NAALADL2: variants seen among roughly 807,000 people sequenced by gnomAD.
NAALADL2 encodes N-acetylated alpha-linked acidic dipeptidase like 2.
In NAALADL2, 76 loss-of-function variants were observed where a neutral mutation model predicts 87.2. The observed-to-expected ratio is 0.87, with a 90% confidence interval of 0.72 to 1.05. NAALADL2 has a LOEUF of 1.05. NAALADL2 is among the 50% of genes least tolerant of loss of function. The probability of loss-of-function intolerance (pLI) is 0.00; values close to 1 mark genes in which losing one functional copy is unlikely to be tolerated. For missense variants in NAALADL2, 1,089 were observed against 945.8 expected, an observed-to-expected ratio of 1.15 and a Z score of -1.99; for synonymous variants, 354 against 331.0, an observed-to-expected ratio of 1.07 and a Z score of -0.75.
chr3:174,703,915 T>G (rs756491134), intron 2 of NAALADL2, among the ~76,000 whole-genome samples: 4 of 152,250 alleles, frequency 2.6e-5, no homozygotes, highest in Non-Finnish European at 5.9e-5. Context: ...GTAGGAAAAT[T>G]TTTTCAGTCT....
chr3:175,660,378 G>A (rs117340885), intron 11 of NAALADL2, among the ~76,000 whole-genome samples: 51 of 151,724 alleles, frequency 3.4e-4, no homozygotes, highest in Non-Finnish European at 4.7e-4. Flanking sequence ...CCCTTTTTTC[G>A]TTGATATGTC....
At chr3:175,194,235 G>A (rs1738651233) in intron 2 of NAALADL2, among the ~76,000 whole-genome samples, 1 of 151,790 alleles carries the variant, frequency 6.6e-6, no homozygotes, top group South Asian at 2.1e-4. Flanking sequence ...AAGTTAACAG[G>A]TTGAATGAAA....
At chr3:174,702,211 A>G (rs1223018347) in intron 2 of NAALADL2, among the ~76,000 whole-genome samples, 1 of 152,124 alleles carries the variant, frequency 6.6e-6, no homozygotes, top group African/African-American at 2.4e-5. Flanking sequence ...TGTTATCCAT[A>G]TATCTTCTAT....
chr3:174,995,011 T>G (rs1343996008), intron 1 of NAALADL2, among the ~76,000 whole-genome samples: 1 of 152,126 alleles, frequency 6.6e-6, no homozygotes, highest in Admixed American at 6.5e-5. Context: ...ATTCTTTGCC[T>G]ATTAGTGCTT....
chr3:175,766,951 A>G (rs1377777881), intron 13 of NAALADL2, among the ~76,000 whole-genome samples: 1 of 152,168 alleles, frequency 6.6e-6, no homozygotes, highest in Non-Finnish European at 1.5e-5. Context: ...ATTGAGATGA[A>G]ACACAAGGAA....
rs560743985 is a variant in NAALADL2 at position 174,524,416 on chromosome 3, AG to A, written c.-183-26151del. Among the ~76,000 whole-genome samples the A allele has an allele frequency of 4.6e-5, 7 of 152,320 alleles. No homozygotes were observed. In the South Asian group the frequency reaches 1.2e-3, roughly 27 times the overall value. On this transcript the variant is annotated intron_variant, in intron 1 of 3. Coordinates refer to the NAALADL2 transcript ENST00000434257. ...TCCTGTAAGGCTTGCCCAGGCTTGA[AG>A]GTATCTTCACAATATACTGTAGCCA... is the stretch of plus-strand genomic sequence containing the variant.
rs370972196 is a variant in NAALADL2 at position 175,285,131 on chromosome 3, A to C, written c.939+28601A>C. On this transcript the variant is annotated intron_variant, in intron 4 of 13. Transcript: ENST00000454872. ...AGATTTTTTATTCTTAATTTTTTAT[A>C]GAAAATAAGAAAAAGTGCATTAGCA... 6.2e-4 allele frequency among the ~76,000 whole-genome samples: 94 copies of C among 152,272 alleles called. No individual in the cohort carries two copies. In the East Asian group the frequency reaches 7.1e-3, roughly 12 times the overall value.
chr3:175,595,464 A>T (rs374840420), intron 10 of NAALADL2, among the ~76,000 whole-genome samples: 8 of 152,108 alleles, frequency 5.3e-5, no homozygotes, highest in African/African-American at 1.9e-4. Flanking sequence ...GCTGATGATG[A>T]TTTGATACTT....
chr3:174,993,143 A>C (rs1314249931), intron 1 of NAALADL2, among the ~76,000 whole-genome samples: 2 of 152,108 alleles, frequency 1.3e-5, no homozygotes. Flanking sequence ...ATTTTGGAAA[A>C]TATGAATGCT....
At chr3:175,236,420 G>C (rs995884233) in intron 3 of NAALADL2, among the ~76,000 whole-genome samples, 8 of 151,682 alleles carry the variant, frequency 5.3e-5, no homozygotes, top group African/African-American at 1.9e-4. Flanking sequence ...CCGGTGGCAG[G>C]CTCCTGTAAT....
chr3:175,764,607 C>A (rs1449107421), intron 13 of NAALADL2, among the ~76,000 whole-genome samples: 1 of 142,512 alleles, frequency 7.0e-6, no homozygotes, highest in Non-Finnish European at 1.5e-5. Flanking sequence ...GATGCTTCTG[C>A]CTTTAACCAA....
chr3:175,177,033 T>G (rs1735790451), intron 2 of NAALADL2, among the ~76,000 whole-genome samples: 1 of 152,088 alleles, frequency 6.6e-6, no homozygotes, highest in African/African-American at 2.4e-5. Flanking sequence ...AGGCAAAGTT[T>G]AATTATAAAG....
chr3:175,768,437 G>T (rs957824002), intron 13 of NAALADL2, among the ~76,000 whole-genome samples: 7 of 152,116 alleles, frequency 4.6e-5, no homozygotes, highest in Non-Finnish European at 1.0e-4. Flanking sequence ...CTGAAGTTCA[G>T]AAACATTAGT....
intron 3 of NAALADL2, among the ~76,000 whole-genome samples, chr3:174,771,300 A>T (rs2109108727): frequency 6.6e-6 from 1 of 152,296 alleles, no homozygotes; most frequent in Admixed American, 6.5e-5. Flanking sequence ...CCTCCACTGT[A>T]TCTGAGGAGT....
intron 5 of NAALADL2, among the ~76,000 whole-genome samples, chr3:175,400,325 C>T (rs1770404525): frequency 6.6e-6 from 1 of 152,098 alleles, no homozygotes; most frequent in Non-Finnish European, 1.5e-5. Context: ...TTCATCGGTA[C>T]TGGCCTTGTG....
chr3:175,787,397 C>T (rs1007130410), intron 13 of NAALADL2, among the ~76,000 whole-genome samples: 5 of 152,282 alleles, frequency 3.3e-5, no homozygotes, highest in African/African-American at 9.6e-5. Flanking sequence ...GAGCCAGGTG[C>T]GGGATGTAAT....
chr3:175,147,011 T>C (rs1730845421), intron 2 of NAALADL2, among the ~76,000 whole-genome samples: 2 of 152,184 alleles, frequency 1.3e-5, no homozygotes, highest in Non-Finnish European at 2.9e-5. Flanking sequence ...AAAGCACTGA[T>C]TTTTGTCTTT....
intron 2 of NAALADL2, among the ~76,000 whole-genome samples, chr3:174,633,848 T>C (rs573858510): frequency 2.0e-5 from 3 of 152,296 alleles, no homozygotes; most frequent in East Asian, 1.9e-4. Context: ...AGCTTTTCCA[T>C]AGGGGAGTTA....
chr3:174,935,143 T>C (rs999647933), intron 1 of NAALADL2, among the ~76,000 whole-genome samples: 1 of 149,856 alleles, frequency 6.7e-6, no homozygotes, highest in Non-Finnish European at 1.5e-5. Flanking sequence ...TGATTGTTCA[T>C]ATAGATGTTG....
Sources: gnomAD v4.1 joint callset for allele counts (sites outside exome capture counted in the v4.1 genomes callset) on GRCh38, gnomAD v4.1.1 for gene constraint, MANE v1.5 for transcripts, NCBI Gene and HGNC (gene_info 2026-07-23, HGNC 2026-07-21) for gene names.